SPTAN1: variants seen among roughly 807,000 people sequenced by gnomAD.
The protein encoded by SPTAN1 is spectrin alpha, non-erythrocytic 1.
SPTAN1 carries 61 observed loss-of-function variants against 331.3 expected under a neutral mutation model. That is an observed-to-expected ratio of 0.18 (90% CI 0.15 to 0.23). The LOEUF (loss-of-function observed/expected upper bound fraction) is 0.23. SPTAN1 is among the 10% of genes least tolerant of loss of function. SPTAN1 has a pLI of 1.00. For missense variants in SPTAN1, 2,043 were observed against 3,147.9 expected (o/e 0.65, Z 8.40); for synonymous variants, 1,153 against 1,173.9 (o/e 0.98, Z 0.36).
At position 128,633,195 on chromosome 9, in the gene SPTAN1, C is replaced by T. The variant is rs1589422584; in HGVS notation, c.7309-14C>T. Reference sequence around the variant, plus strand: ...AGCTGGCTCAGGCACCAGGTGCCATCTCTTACCCCACAGAACCTGACCCGG... The same window carrying T: ...AGCTGGCTCAGGCACCAGGTGCCATTTCTTACCCCACAGAACCTGACCCGG... On this transcript the variant is annotated splice_polypyrimidine_tract_variant and intron_variant, in intron 56 of 56. Transcript: ENST00000372739. The T allele has an allele frequency of 1.2e-6, 2 of 1,611,716 alleles. No homozygotes were observed. The highest frequency in any genetic ancestry group is 2.7e-5 in the African/African-American group (2 of 74,898).
intron 21 of SPTAN1, among the ~76,000 whole-genome samples, chr9:128,589,777 GTGTTAGCCAGGA>G (rs1554750132): frequency 6.9e-6 from 1 of 145,230 alleles, no homozygotes; most frequent in East Asian, 2.1e-4. Context: ...GGGTTTCACC[GTGTTAGCCAGGA>G]TGGTCTCGAT....
chr9:128,570,304 T>TTATATA (rs748964931), intron 3 of SPTAN1, among the ~76,000 whole-genome samples: 5 of 111,764 alleles, frequency 4.5e-5, no homozygotes, highest in South Asian at 3.0e-4. Context: ...TTTAGACAGC[T>TTATATA]TATATATATA....
At chr9:128,631,975 A>G in intron 52 of SPTAN1, 152 bp from the exon 53 acceptor site, 1 of 745,410 alleles carries the variant, frequency 1.3e-6, no homozygotes, top group South Asian at 1.8e-5. Context: ...CTTCAGCTTC[A>G]CCCCATCCCA....
chr9:128,623,959 A>G (rs561258898), intron 45 of SPTAN1, among the ~76,000 whole-genome samples: 3 of 151,062 alleles, frequency 2.0e-5, no homozygotes, highest in Admixed American at 6.6e-5. Context: ...GTGTTCGCCT[A>G]TTAGTCCCAG....
At chr9:128,593,304 G>A in intron 23 of SPTAN1, 1 of 549,704 alleles carries the variant, frequency 1.8e-6, no homozygotes, top group East Asian at 3.3e-5. Context: ...GTTGGTTTTT[G>A]TGGTGGACCA....
chr9:128,593,430 A>G (rs1853800227), intron 23 of SPTAN1: 2 of 217,854 alleles, frequency 9.2e-6, no homozygotes, highest in Admixed American at 1.0e-4. Flanking sequence ...TTTTTATTTT[A>G]CTTTGGGACA....
At chr9:128,559,226 A>G (rs1036096233) in intron 1 of SPTAN1, among the ~76,000 whole-genome samples, 5 of 152,156 alleles carry the variant, frequency 3.3e-5, no homozygotes, top group African/African-American at 1.2e-4. Context: ...GACTCGTTCT[A>G]CTTCACTGGG....
intron 28 of SPTAN1, 114 bp from the exon 29 acceptor site, chr9:128,604,212 A>G: frequency 1.8e-6 from 2 of 1,099,388 alleles, no homozygotes; most frequent in Non-Finnish European, 2.7e-6. Flanking sequence ...GGTTGGAAAC[A>G]GGAAATTATA....
chr9:128,617,859 T>C, intron 42 of SPTAN1, 99 bp downstream of exon 42: 1 of 1,611,640 alleles, frequency 6.2e-7, no homozygotes, highest in Non-Finnish European at 8.5e-7. Context: ...GTCCCTAAAG[T>C]GTTCATGACC....
rs1428641675 is a variant in SPTAN1, at chr9:128,592,994, C to T, written c.3167C>T (p.Thr1056Ile). ...CCCCCTCTGTGCAGGACACGCATAA[C>T]TAAGGAGGCCGGCAGTGTATCTCTG... ...QEQIDNQTRI[T>I]KEAGSVSLRM... is the part of the protein sequence containing the mutation. Residue 1056 changes from threonine (T) to isoleucine (I), a missense_variant, in exon 23 of 57, where the codon ACT becomes ATT. Physicochemically the swap from Thr to Ile is moderately conservative, Grantham distance 89. Around this residue, in one of 12 missense-constraint regions of SPTAN1, gnomAD observed 1,038 missense variants for 1,531.5 expected, o/e 0.68. Transcript: ENST00000372739. 4.4e-6 allele frequency: 7 copies of T among 1,608,936 alleles called. No homozygotes were observed. The East Asian group carries it at 1.3e-4, about 31-fold the overall frequency.
chr9:128,619,096 CT>C, intron 44 of SPTAN1, 93 bp downstream of exon 44: 1 of 1,577,122 alleles, frequency 6.3e-7, no homozygotes, highest in Non-Finnish European at 8.7e-7. Context: ...GGGCCCTGCT[CT>C]TACTAGGAGA....
intron 45 of SPTAN1, chr9:128,621,754 T>TTTTGATTACAGATGA (rs1318391120): frequency 5.5e-6 from 1 of 182,878 alleles, no homozygotes; most frequent in African/African-American, 2.4e-5. Context: ...ACCTCGAGGC[T>TTTTGATTACAGATGA]GTACAGGGCA....
rs762156669 is a variant in SPTAN1, at chr9:128,561,662, CAAAAAAAAAA to C, written c.-3-5059_-3-5050del. On this transcript the variant is annotated intron_variant, in intron 1 of 56. Coordinates refer to ENST00000372739, the MANE Select transcript of SPTAN1 (RefSeq NM_001130438.3). ...TGGGCAACAGAGCGAGACTCCGTCT[CAAAAAAAAAA>C]AAAAAAAAAAAAAAAAGAATATGTC... Among the ~76,000 whole-genome samples the C allele has an allele frequency of 5.2e-3, 83 of 15,988 alleles. 2 individuals are homozygous for C. Among genetic ancestry groups the C allele is most frequent in the Admixed American group, 0.011 (8 of 712 alleles). The allele number at this position is 15,988 out of a possible 152,430, so 10.5% of individuals were successfully genotyped here. A position where few individuals can be genotyped will look rare whatever the true frequency, so the allele number is the denominator to read the frequency against.
At chr9:128,613,557 C>T (rs1004193286) in intron 40 of SPTAN1, 72 bp downstream of exon 40, 170 of 1,283,630 alleles carry the variant, frequency 1.3e-4, no homozygotes, top group Admixed American at 3.5e-4. Flanking sequence ...GGAAAACAAG[C>T]GTGTTTGAGA....
In SPTAN1 at chr9:128,627,725, C is replaced by T. The variant is rs567191510; in HGVS notation, c.6690-200C>T. 4.5e-5 allele frequency: 36 copies of T among 805,848 alleles called. No homozygotes were observed. The highest frequency in any genetic ancestry group is 1.3e-4 in the African/African-American group (8 of 59,662). The allele number at this position is 805,848 out of a possible 1,614,324, so 49.9% of individuals were successfully genotyped here. A position where few individuals can be genotyped will look rare whatever the true frequency, so the allele number is the denominator to read the frequency against. ...CCAGACATCAAGTTGTTAGAGATCC[C>T]GGATTGAGTGGGACCATGCAGGGCG... On this transcript the variant is annotated intron_variant, in intron 50 of 56. Transcript: ENST00000372739. The surrounding 1 kb of genome is among the most constrained non-coding windows in gnomAD (Gnocchi z 4.9).
At position 128,611,854 on chromosome 9, in the gene SPTAN1, C is replaced by T. The variant is rs758224715; in HGVS notation, c.4905+9C>T. 5 of 1,614,144 alleles carry T rather than the reference C, an allele frequency of 3.1e-6. No homozygotes were observed. The highest frequency in any genetic ancestry group is 4.2e-6 in the Non-Finnish European group (5 of 1,180,044). ...GTGAGGATGCTGTCAAGGTATGGCC[C>T]ACCAGCTCCCGGTGCCCAGGGAGGA... On this transcript the variant is annotated intron_variant, in intron 38 of 56. Coordinates refer to ENST00000372739, the MANE Select transcript of SPTAN1 (RefSeq NM_001130438.3).
intron 45 of SPTAN1, among the ~76,000 whole-genome samples, chr9:128,621,485 G>C (rs1313604407): frequency 6.6e-6 from 1 of 152,194 alleles, no homozygotes; most frequent in Non-Finnish European, 1.5e-5. Flanking sequence ...AAGCAACAGA[G>C]ACACTGGCAC....
intron 10 of SPTAN1, among the ~76,000 whole-genome samples, chr9:128,580,593 C>A (rs1479215577): frequency 6.6e-6 from 1 of 152,086 alleles, no homozygotes; most frequent in Non-Finnish European, 1.5e-5. Flanking sequence ...AGAGTCCCTA[C>A]TCCATTTATA....
At chr9:128,574,487 A>T (rs1055260985) in intron 3 of SPTAN1, among the ~76,000 whole-genome samples, 188 bp from the exon 4 acceptor site, 1 of 152,084 alleles carries the variant, frequency 6.6e-6, no homozygotes, top group African/African-American at 2.4e-5. Flanking sequence ...CCAAAAAACC[A>T]CTGTGAACTG....
Sources: gnomAD v4.1 joint callset for allele counts (sites outside exome capture counted in the v4.1 genomes callset) on GRCh38, gnomAD v4.1.1 for gene constraint, gnomAD v4.1.1 regional missense constraint, Gnocchi (gnomAD v3.1) non-coding constraint, MANE v1.5 for transcripts, NCBI Gene and HGNC (gene_info 2026-07-23, HGNC 2026-07-21) for gene names.